NAA50: variants seen among roughly 807,000 people sequenced by gnomAD.
NAA50 encodes N-alpha-acetyltransferase 50, NatE catalytic subunit.
Under a neutral mutation model 20.7 loss-of-function variants are expected in NAA50, and 7 were observed. The observed-to-expected ratio is 0.34, with a 90% CI of 0.19 to 0.63. The LOEUF is 0.63. Ranked by LOEUF, NAA50 falls within the 30% of genes least tolerant of loss-of-function variation. The pLI, the probability that NAA50 is intolerant of heterozygous loss-of-function variation, is 0.75. For synonymous variants in NAA50, 54 were observed against 70.6 expected (o/e 0.77, Z 1.18); for missense variants, 111 against 199.1 (o/e 0.56, Z 2.66).
chr3:113,723,040 T>C, intron 3 of NAA50, 68 bp from the exon 4 acceptor site: 3 of 1,447,388 alleles, frequency 2.1e-6, no homozygotes, highest in Admixed American at 2.7e-5. Flanking sequence ...ATCTATCCAC[T>C]TGCCATCTGA....
chr3:113,725,186 T>C (rs1708185770), intron 1 of NAA50, among the ~76,000 whole-genome samples: 1 of 152,206 alleles, frequency 6.6e-6, no homozygotes, highest in African/African-American at 2.4e-5. Flanking sequence ...GAATTTTTAA[T>C]AGCTGAAGTG....
At chr3:113,734,771 T>C (rs1708318110) in intron 1 of NAA50, among the ~76,000 whole-genome samples, 1 of 152,252 alleles carries the variant, frequency 6.6e-6, no homozygotes, top group Non-Finnish European at 1.5e-5. Context: ...ATTTCAGCAG[T>C]GTCCAGACAG....
At position 113,727,665 on chromosome 3, in the gene NAA50, G is replaced by A. The variant is rs11921724; in HGVS notation, c.9-3570C>T. 2.3e-3 allele frequency among the ~76,000 whole-genome samples: 344 copies of A among 150,704 alleles called. 1 individual carries two copies. The highest frequency in any genetic ancestry group is 7.0e-3 in the African/African-American group (285 of 40,976). ...TTTTAAAGCACACCATAGAAATGAC[G>A]TAGAAAGGGAAAATATCCTGCAATA... On this transcript the variant is annotated intron_variant, in intron 1 of 4. Transcript: ENST00000240922.
intron 1 of NAA50, among the ~76,000 whole-genome samples, chr3:113,730,593 T>C (rs947216771): frequency 6.6e-6 from 1 of 152,218 alleles, no homozygotes; most frequent in Non-Finnish European, 1.5e-5. Context: ...ACCTCCCACA[T>C]GACCCTTTAA....
intron 1 of NAA50, chr3:113,740,918 A>G (rs902440240): frequency 6.2e-6 from 3 of 483,836 alleles, no homozygotes; most frequent in East Asian, 5.3e-5. Context: ...TGACTCCATC[A>G]TAAGGACTAG....
intron 1 of NAA50, among the ~76,000 whole-genome samples, chr3:113,729,769 G>A (rs1708247956): frequency 6.6e-6 from 1 of 151,840 alleles, no homozygotes; most frequent in African/African-American, 2.4e-5. Context: ...TGTTGCTCAG[G>A]CTGGTCTTGA....
chr3:113,721,737 AAG>A lies in NAA50; in HGVS notation c.*21_*22del, dbSNP rs1708138351. 6.2e-7 allele frequency: 1 copy of A among 1,613,392 alleles called. No individual in the cohort carries two copies. Among genetic ancestry groups the A allele is most frequent in the African/African-American group, 1.3e-5 (1 of 74,978 alleles). On this transcript the variant is annotated 3_prime_UTR_variant, in exon 5 of 5. Coordinates refer to ENST00000240922, the MANE Select transcript of NAA50 (RefSeq NM_025146.4). ...CTTTTATTTGGCGACAAGCAAGTGCAAGAAAGTTCATTTGTAATTTGTTCAGT... is the reference window on the plus strand; with the variant it reads ...CTTTTATTTGGCGACAAGCAAGTGCAAAAGTTCATTTGTAATTTGTTCAGT...
At chr3:113,743,517 G>A (rs1228464334) in intron 1 of NAA50, among the ~76,000 whole-genome samples, 1 of 152,150 alleles carries the variant, frequency 6.6e-6, no homozygotes, top group Non-Finnish European at 1.5e-5. Flanking sequence ...AACCTATACT[G>A]TTGTAGGTTC....
At position 113,726,801 on chromosome 3, in the gene NAA50, C is replaced by T. The variant is rs570229202; in HGVS notation, c.9-2706G>A. ...TCTGTGGATACTGTTATCCTGTAAA[C>T]TATAGAATCCTTTATTTTTCTTTTT... On this transcript the variant is annotated intron_variant, in intron 1 of 4. Coordinates refer to ENST00000240922, the MANE Select transcript of NAA50 (RefSeq NM_025146.4). Among the ~76,000 whole-genome samples, 3 of 151,996 alleles carry T rather than the reference C, an allele frequency of 2.0e-5. No individual in the cohort carries two copies. In the South Asian group the frequency reaches 6.2e-4, roughly 32 times the overall value.
At chr3:113,732,753 T>C (rs1708287369) in intron 1 of NAA50, among the ~76,000 whole-genome samples, 1 of 152,224 alleles carries the variant, frequency 6.6e-6, no homozygotes, top group Non-Finnish European at 1.5e-5. Flanking sequence ...AGATAGATAA[T>C]AATTTTTGAA....
chr3:113,726,125 T>G (rs1708195241), intron 1 of NAA50, among the ~76,000 whole-genome samples: 1 of 152,230 alleles, frequency 6.6e-6, no homozygotes, highest in Non-Finnish European at 1.5e-5. Context: ...TCTTTTCATG[T>G]CTTGTATGTC....
At chr3:113,734,633 G>A (rs1481821329) in intron 1 of NAA50, among the ~76,000 whole-genome samples, 6 of 152,132 alleles carry the variant, frequency 3.9e-5, no homozygotes, top group Non-Finnish European at 8.8e-5. Flanking sequence ...AAGGAGGCAA[G>A]ACCTTCAAAC....
In NAA50 at chr3:113,733,017, AT is replaced by A. The variant is rs367598474; in HGVS notation, c.9-8923del. On this transcript the variant is annotated intron_variant, in intron 1 of 4. Transcript: ENST00000240922. ...GTATGTTTTTGTATGGCTATTAGCC[AT>A]TTTTTTTTTTTTTTGTAAAATCACT... 6.9e-3 allele frequency among the ~76,000 whole-genome samples: 971 copies of A among 140,656 alleles called. 1 individual carries two copies. The highest frequency in any genetic ancestry group is 0.016 in the African/African-American group (620 of 38,496). The allele number at this position is 140,656 out of a possible 152,430, so 92.3% of individuals were successfully genotyped here.
intron 1 of NAA50, among the ~76,000 whole-genome samples, chr3:113,732,406 T>C (rs1277876566): frequency 6.6e-6 from 1 of 152,186 alleles, no homozygotes; most frequent in East Asian, 1.9e-4. Context: ...ACTGTATTAG[T>C]ATCCTAGGGC....
intron 1 of NAA50, among the ~76,000 whole-genome samples, chr3:113,735,911 G>A (rs1407673744): frequency 3.3e-5 from 5 of 152,300 alleles, no homozygotes; most frequent in African/African-American, 1.2e-4. Context: ...TCCAACTGCT[G>A]GTCTCGAATT....
chr3:113,745,893 G>A (rs922996166), intron 1 of NAA50, 49 bp downstream of exon 1: 1 of 1,595,824 alleles, frequency 6.3e-7, no homozygotes, highest in Non-Finnish European at 8.5e-7. Flanking sequence ...ACATGGGCCC[G>A]GACCCTTCTA....
chr3:113,733,853 C>CAAAAAAAAAAAAA (rs58431115), intron 1 of NAA50, among the ~76,000 whole-genome samples: 6 of 68,488 alleles, frequency 8.8e-5, no homozygotes, highest in East Asian at 4.4e-4. Flanking sequence ...ACTCTGTCTC[C>CAAAAAAAAAAAAA]AAAAAAAAAA....
rs1466979059 is a variant in NAA50, at chr3:113,718,732, G to A, written c.*3028C>T. Reference sequence around the variant, plus strand: ...TAATAATTACATTAAAAATACAGCAGCAAGACAGTTCCTTGGATCTTACTT... The same window carrying A: ...TAATAATTACATTAAAAATACAGCAACAAGACAGTTCCTTGGATCTTACTT... On this transcript the variant is annotated 3_prime_UTR_variant, in exon 5 of 5. Coordinates refer to ENST00000240922, the MANE Select transcript of NAA50 (RefSeq NM_025146.4). 1 of 152,170 alleles carries A rather than the reference G, an allele frequency of 6.6e-6. No individual in the cohort carries two copies. The highest frequency in any genetic ancestry group is 1.5e-5 in the Non-Finnish European group (1 of 68,040). 9.4% of individuals were successfully genotyped at this position (152,170 alleles called of 1,614,324 possible). A position where few individuals can be genotyped will look rare whatever the true frequency, so the allele number is the denominator to read the frequency against.
intron 1 of NAA50, among the ~76,000 whole-genome samples, chr3:113,732,708 C>T (rs1227393472): frequency 6.6e-6 from 1 of 152,160 alleles, no homozygotes; most frequent in Non-Finnish European, 1.5e-5. Context: ...TCTGCAAAGA[C>T]CCTATTTCTA....
Sources: allele counts gnomAD v4.1 joint callset (sites outside exome capture counted in the v4.1 genomes callset), GRCh38; gene constraint gnomAD v4.1.1; transcripts MANE v1.5; gene names NCBI Gene and HGNC (gene_info 2026-07-23, HGNC 2026-07-21).